PLCH1: variants seen among roughly 807,000 people sequenced by gnomAD.
The protein encoded by PLCH1 is 1-phosphatidylinositol 4,5-bisphosphate phosphodiesterase eta-1.
In PLCH1, 60 loss-of-function variants were observed where a neutral mutation model predicts 126.7. The observed-to-expected ratio is 0.47, with a 90% CI of 0.38 to 0.59. The LOEUF (loss-of-function observed/expected upper bound fraction) is 0.59, where lower values mean the gene tolerates loss of function less well. PLCH1 is among the 20% of genes least tolerant of loss of function. PLCH1 has a pLI of 0.00. For missense variants in PLCH1, 1,723 were observed against 2,040.0 expected (o/e 0.84, Z 2.99); for synonymous variants, 719 against 734.9 (o/e 0.98, Z 0.35).
chr3:155,458,453 G>GGAAGGAAAGAAAGAAA (rs1712545447), intron 21 of PLCH1, among the ~76,000 whole-genome samples: 5 of 28,674 alleles, frequency 1.7e-4, no homozygotes, highest in Non-Finnish European at 2.3e-4. Context: ...AAGGAAGGAA[G>GGAAGGAAAGAAAGAAA]GAAAGAAAGA....
intron 13 of PLCH1, among the ~76,000 whole-genome samples, chr3:155,502,245 G>A (rs539971325): frequency 5.3e-5 from 8 of 152,292 alleles, no homozygotes; most frequent in Non-Finnish European, 1.0e-4. Context: ...TCTTTAGAAA[G>A]AGTGTGGCAA....
chr3:155,483,184 G>T, intron 22 of PLCH1, 133 bp from the exon 23 acceptor site: 1 of 953,420 alleles, frequency 1.0e-6, no homozygotes. Flanking sequence ...ATTATGGATT[G>T]CATAGGTTTG....
At chr3:155,600,322 T>C (rs1733551017) in intron 2 of PLCH1, among the ~76,000 whole-genome samples, 1 of 152,170 alleles carries the variant, frequency 6.6e-6, no homozygotes, top group African/African-American at 2.4e-5. Context: ...CTATTCTGCC[T>C]CCAACAGAAA....
chr3:155,737,721 T>C (rs1013681425), intron 1 of PLCH1, among the ~76,000 whole-genome samples: 3 of 152,198 alleles, frequency 2.0e-5, no homozygotes, highest in African/African-American at 7.2e-5. Flanking sequence ...AGAACTACAT[T>C]GCATATGATT....
intron 1 of PLCH1, among the ~76,000 whole-genome samples, chr3:155,710,571 G>A (rs1462057380): frequency 6.6e-6 from 1 of 152,158 alleles, no homozygotes; most frequent in Admixed American, 6.5e-5. Context: ...GGTGGCCCAT[G>A]CCTGTAATCC....
At chr3:155,590,328 C>G (rs934909876) in intron 4 of PLCH1, among the ~76,000 whole-genome samples, 4 of 152,156 alleles carry the variant, frequency 2.6e-5, no homozygotes, top group South Asian at 2.1e-4. Context: ...CCTGTAATCC[C>G]AGCACTTTGG....
At chr3:155,640,581 G>T (rs1024745705) in intron 2 of PLCH1, among the ~76,000 whole-genome samples, 2 of 152,098 alleles carry the variant, frequency 1.3e-5, no homozygotes, top group African/African-American at 4.8e-5. Flanking sequence ...TCCCAGGGAA[G>T]TATCTGTTGC....
chr3:155,451,937 C>T (rs796091591), intron 21 of PLCH1, among the ~76,000 whole-genome samples: 21 of 152,104 alleles, frequency 1.4e-4, no homozygotes, highest in South Asian at 1.2e-3. Flanking sequence ...GCTCTTCTGC[C>T]GGGACTTCTC....
Position 155,494,393 on chromosome 3 carries a change from G to A in PLCH1, c.2019C>T (p.Arg673=), listed in dbSNP as rs1226508757. 1.2e-6 allele frequency: 2 copies of A among 1,614,046 alleles called. No individual in the cohort carries two copies. Among genetic ancestry groups the A allele is most frequent in the Non-Finnish European group, 1.7e-6 (2 of 1,180,022 alleles). ...QLTRIYPSAY[R]IDSSNFNPLP... is the part of the protein sequence containing the mutation. ...GAGGGTTGAAGTTACTGGAATCAAT[G>A]CGGTAGGCAGAGGGGTAAATCCTCG... is the stretch of plus-strand genomic sequence containing the variant. Residue 673 remains arginine, a synonymous_variant, in exon 16 of 23, where the codon CGC becomes CGT. Transcript: ENST00000460012.
At position 155,571,443 on chromosome 3, in the gene PLCH1, C is replaced by T. The variant is rs190574182; in HGVS notation, c.772-3119G>A. 3.0e-3 allele frequency among the ~76,000 whole-genome samples: 460 copies of T among 152,292 alleles called. 2 individuals carry two copies. Among genetic ancestry groups the T allele is most frequent in the South Asian group, 0.02 (98 of 4,824 alleles). ...ATATATATTTGGAGATGGAGTCTTGCCCTGTCACCCAGGCTGGGGAGCAGG... is the reference window on the plus strand; with the variant it reads ...ATATATATTTGGAGATGGAGTCTTGTCCTGTCACCCAGGCTGGGGAGCAGG... On this transcript the variant is annotated intron_variant, in intron 6 of 22. Transcript: ENST00000460012.
At chr3:155,656,260 T>G (rs1741354746) in intron 2 of PLCH1, among the ~76,000 whole-genome samples, 1 of 151,830 alleles carries the variant, frequency 6.6e-6, no homozygotes, top group Non-Finnish European at 1.5e-5. Context: ...GGATAGATCA[T>G]CCTTATGCTG....
chr3:155,565,442 G>C (rs1251379257), intron 7 of PLCH1, among the ~76,000 whole-genome samples: 1 of 151,976 alleles, frequency 6.6e-6, no homozygotes, highest in African/African-American at 2.4e-5. Flanking sequence ...CCTGAGATCT[G>C]TTTGTTTAAA....
intron 22 of PLCH1, among the ~76,000 whole-genome samples, chr3:155,484,868 C>T (rs1308653740): frequency 6.6e-6 from 1 of 152,210 alleles, no homozygotes; most frequent in Non-Finnish European, 1.5e-5. Flanking sequence ...CAGGAAAACA[C>T]TGCCTGAGCC....
At chr3:155,474,960 G>A (rs1713467152), downstream of PLCH1, among the ~76,000 whole-genome samples, 1 of 136,508 alleles carries the variant, frequency 7.3e-6, no homozygotes, top group Admixed American at 7.3e-5. Flanking sequence ...ATAGCATTGG[G>A]AGATATACCT....
rs557369057 is a variant in PLCH1 at position 155,737,231 on chromosome 3, C to CAAAAAAAA, written c.-41+7601_-41+7608dup. 6.0e-4 allele frequency among the ~76,000 whole-genome samples: 36 copies of CAAAAAAAA among 59,532 alleles called. 3 individuals are homozygous for CAAAAAAAA. The highest frequency in any genetic ancestry group is 1.6e-3 in the African/African-American group (28 of 17,446). The allele number at this position is 59,532 out of a possible 152,430, so 39.1% of individuals were successfully genotyped here. A position where few individuals can be genotyped will look rare whatever the true frequency, so the allele number is the denominator to read the frequency against. ...TGGGTGACAGAGCAAGCCTCCGTCT[C>CAAAAAAAA]AAAAAAAAAAAAAAAAAAGAGTATA... is the stretch of plus-strand genomic sequence containing the variant. On this transcript the variant is annotated intron_variant, in intron 1 of 22. Transcript: ENST00000460012.
At chr3:155,636,958 G>T (rs1438784156) in intron 2 of PLCH1, among the ~76,000 whole-genome samples, 1 of 151,842 alleles carries the variant, frequency 6.6e-6, no homozygotes, top group Non-Finnish European at 1.5e-5. Flanking sequence ...TTATGTCTCG[G>T]TTTTTTACTT....
At chr3:155,469,548 G>T (rs558584692) in intron 21 of PLCH1, among the ~76,000 whole-genome samples, 1 of 152,254 alleles carries the variant, frequency 6.6e-6, no homozygotes, top group Non-Finnish European at 1.5e-5. Context: ...AAGCAGCCAG[G>T]AAGCTCAAAC....
chr3:155,537,214 A>ACAAAC (rs1317635311), intron 10 of PLCH1, among the ~76,000 whole-genome samples: 10 of 9,268 alleles, frequency 1.1e-3, no homozygotes, highest in African/African-American at 1.7e-3. Flanking sequence ...AAAAAAAAAA[A>ACAAAC]AAAAAAAAAA....
At chr3:155,696,094 T>C (rs1434828374) in intron 2 of PLCH1, among the ~76,000 whole-genome samples, 1 of 152,148 alleles carries the variant, frequency 6.6e-6, no homozygotes, top group South Asian at 2.1e-4. Context: ...GGAGTTAGCA[T>C]AGACATGGGA....
Sources: allele counts gnomAD v4.1 joint callset (sites outside exome capture counted in the v4.1 genomes callset), GRCh38; gene constraint gnomAD v4.1.1; transcripts MANE v1.5; gene names NCBI Gene and HGNC (gene_info 2026-07-23, HGNC 2026-07-21).